The following OSBPL8 variants were observed in gnomAD, a reference collection of about 807,000 sequenced individuals.
The protein encoded by OSBPL8 is oxysterol binding protein like 8.
OSBPL8 carries 59 observed loss-of-function variants against 125.5 expected under a neutral mutation model. The observed-to-expected ratio is 0.47, with a 90% CI of 0.38 to 0.58. The LOEUF (loss-of-function observed/expected upper bound fraction) is 0.58, where lower values mean the gene tolerates loss of function less well. OSBPL8 is among the 20% of genes least tolerant of loss of function. The pLI, the probability that OSBPL8 is intolerant of heterozygous loss-of-function variation, is 0.00. For missense variants in OSBPL8, 758 were observed against 1,047.8 expected (o/e 0.72, Z 3.82); for synonymous variants, 330 against 338.9 (o/e 0.97, Z 0.29).
intron 1 of OSBPL8, among the ~76,000 whole-genome samples, chr12:76,544,672 A>C (rs1407912865): frequency 6.6e-6 from 1 of 152,196 alleles, no homozygotes; most frequent in African/African-American, 2.4e-5. Context: ...GAAATGTAAC[A>C]AATTTTAAGA....
chr12:76,432,739 A>T (rs1444566846), intron 4 of OSBPL8, among the ~76,000 whole-genome samples: 2 of 152,184 alleles, frequency 1.3e-5, no homozygotes, highest in Non-Finnish European at 2.9e-5. Flanking sequence ...TACAAAAAGG[A>T]GTTTTTTGAA....
At chr12:76,386,458 C>T in intron 13 of OSBPL8, 121 bp downstream of exon 13, 2 of 1,285,292 alleles carry the variant, frequency 1.6e-6, no homozygotes, top group Non-Finnish European at 2.1e-6. Flanking sequence ...AGGTATTTTG[C>T]AATTTTGCTA....
At position 76,389,644 on chromosome 12, in the gene OSBPL8, C is replaced by A; in HGVS notation, c.1352+1G>T. On this transcript the variant is annotated splice_donor_variant, in intron 12 of 23. Coordinates refer to ENST00000261183, the MANE Select transcript of OSBPL8 (RefSeq NM_020841.5). LOFTEE classifies it high-confidence loss of function. ...ATTTTAAGAAATAAGAATCTACTTA[C>A]TCAGATAGGAAATCTGCATGATAGT... 2 of 1,544,618 alleles carry A rather than the reference C, an allele frequency of 1.3e-6. No homozygotes were observed. The highest frequency in any genetic ancestry group is 2.3e-5 in the East Asian group (1 of 43,564).
chr12:76,528,359 T>C (rs1010423557), intron 1 of OSBPL8, among the ~76,000 whole-genome samples: 1 of 151,334 alleles, frequency 6.6e-6, no homozygotes, highest in Non-Finnish European at 1.5e-5. Flanking sequence ...AGTATTATTA[T>C]TAATAACAGA....
intron 1 of OSBPL8, among the ~76,000 whole-genome samples, chr12:76,536,494 C>CAG (rs1950501686): frequency 6.6e-6 from 1 of 152,076 alleles, no homozygotes; most frequent in South Asian, 2.1e-4. Context: ...TATCACTGTA[C>CAG]TACTTAACAC....
At chr12:76,455,005 C>T (rs2136773315) in intron 3 of OSBPL8, among the ~76,000 whole-genome samples, 1 of 151,820 alleles carries the variant, frequency 6.6e-6, no homozygotes, top group African/African-American at 2.4e-5. Context: ...GAGGCCGAGG[C>T]TGGTGGATCA....
intron 21 of OSBPL8, among the ~76,000 whole-genome samples, chr12:76,366,390 C>A (rs546440830): frequency 6.6e-6 from 1 of 152,234 alleles, no homozygotes; most frequent in Non-Finnish European, 1.5e-5. Context: ...GTAGTAACAT[C>A]CCCACTTTAA....
At chr12:76,497,128 CA>C (rs1190707428) in intron 1 of OSBPL8, among the ~76,000 whole-genome samples, 1 of 151,758 alleles carries the variant, frequency 6.6e-6, no homozygotes, top group East Asian at 1.9e-4. Flanking sequence ...ATATTTTTAT[CA>C]AAATTTTTTT....
intron 2 of OSBPL8, among the ~76,000 whole-genome samples, chr12:76,460,856 T>C (rs1874634907): frequency 6.6e-6 from 1 of 152,188 alleles, no homozygotes; most frequent in Admixed American, 6.5e-5. Context: ...AATTACATTA[T>C]TTGTTGGTCT....
In OSBPL8 at chr12:76,414,730, G is replaced by T. The variant is rs928280294; in HGVS notation, c.218-4096C>A. On this transcript the variant is annotated intron_variant, in intron 4 of 23. Coordinates refer to ENST00000261183, the MANE Select transcript of OSBPL8 (RefSeq NM_020841.5). ...AACCTCCCAAAGTGCTGGAATTACA[G>T]GTATAAGCCACCATGTCCAGCTGGA... Among the ~76,000 whole-genome samples, 3 of 151,952 alleles carry T rather than the reference G, an allele frequency of 2.0e-5. 1 individual carries two copies. The highest frequency in any genetic ancestry group is 2.0e-4 in the Admixed American group (3 of 15,262).
chr12:76,472,907 T>G lies in OSBPL8; in HGVS notation c.43-13012A>C, dbSNP rs564642060. ...AGGCCCTCCACAAGAGGTGGAGGAGTAGAGTCTTCTCTAAACTCCCCCGGG... is the reference window on the plus strand; with the variant it reads ...AGGCCCTCCACAAGAGGTGGAGGAGGAGAGTCTTCTCTAAACTCCCCCGGG... On this transcript the variant is annotated intron_variant, in intron 2 of 23. Transcript: ENST00000261183. Among the ~76,000 whole-genome samples the G allele has an allele frequency of 1.6e-3, 237 of 151,436 alleles. 1 individual carries two copies. Among genetic ancestry groups the G allele is most frequent in the African/African-American group, 5.6e-3 (232 of 41,248 alleles).
chr12:76,412,278 C>A (rs7310989), intron 4 of OSBPL8, among the ~76,000 whole-genome samples: 1 of 151,994 alleles, frequency 6.6e-6, no homozygotes, highest in African/African-American at 2.4e-5. Flanking sequence ...CAATCTATGG[C>A]GTTAGAGGTT....
chr12:76,411,699 C>A (rs917622163), intron 4 of OSBPL8, among the ~76,000 whole-genome samples: 12 of 151,696 alleles, frequency 7.9e-5, no homozygotes, highest in African/African-American at 2.9e-4. Context: ...AATCTCAATA[C>A]TAAAAATAAA....
At position 76,464,002 on chromosome 12, in the gene OSBPL8, A is replaced by G. The variant is rs1490431446; in HGVS notation, c.43-4107T>C. On this transcript the variant is annotated intron_variant, in intron 2 of 23. Transcript: ENST00000261183. Reference sequence around the variant, plus strand: ...AATTATTGATGTGGAACCACTCTACACAATTAACTTGTACAATATTTAAAA... The same window carrying G: ...AATTATTGATGTGGAACCACTCTACGCAATTAACTTGTACAATATTTAAAA... 2.0e-5 allele frequency among the ~76,000 whole-genome samples: 3 copies of G among 152,212 alleles called. No individual in the cohort carries two copies. The East Asian group carries it at 5.8e-4, about 29-fold the overall frequency.
chr12:76,541,504 T>A (rs1950644861), intron 1 of OSBPL8, among the ~76,000 whole-genome samples: 1 of 151,634 alleles, frequency 6.6e-6, no homozygotes, highest in African/African-American at 2.4e-5. Flanking sequence ...AATAATTAAA[T>A]AATAAAAATT....
rs572890129 is a variant in OSBPL8, at chr12:76,371,507, T to C, written c.1995A>G (p.Gln665=). Residue 665 remains glutamine, a synonymous_variant, in exon 19 of 24, where the codon CAA becomes CAG. Coordinates refer to ENST00000261183, the MANE Select transcript of OSBPL8 (RefSeq NM_020841.5). ...VFWNPTPDIK[Q]WRLIRHTVKF... Reference sequence around the variant, plus strand: ...TTACAGTGTGCCTTATTAATCTCCATTGCTTAATGTCAGGTGTTGGATTCC... The same window carrying C: ...TTACAGTGTGCCTTATTAATCTCCACTGCTTAATGTCAGGTGTTGGATTCC... 70 of 1,611,424 alleles carry C rather than the reference T, an allele frequency of 4.3e-5. No individual in the cohort carries two copies. The South Asian group carries it at 6.9e-4, about 16-fold the overall frequency.
chr12:76,366,222 G>T (rs959144518), intron 21 of OSBPL8, among the ~76,000 whole-genome samples: 4 of 152,096 alleles, frequency 2.6e-5, no homozygotes, highest in Non-Finnish European at 5.9e-5. Context: ...TTTTTCTTTG[G>T]AGGTTTTTGG....
intron 2 of OSBPL8, among the ~76,000 whole-genome samples, chr12:76,467,711 C>A (rs1307706100): frequency 6.6e-6 from 1 of 151,874 alleles, no homozygotes; most frequent in Non-Finnish European, 1.5e-5. Flanking sequence ...CCCACATCAC[C>A]TCATGTGTCA....
chr12:76,396,821 GT>G (rs769819476), intron 8 of OSBPL8, among the ~76,000 whole-genome samples: 24 of 151,616 alleles, frequency 1.6e-4, no homozygotes, highest in African/African-American at 5.8e-4. Flanking sequence ...ATGCTTGTTT[GT>G]TTTTTTTGAG....
Sources: gnomAD v4.1 joint callset for allele counts (sites outside exome capture counted in the v4.1 genomes callset) on GRCh38, gnomAD v4.1.1 for gene constraint, MANE v1.5 for transcripts, NCBI Gene and HGNC (gene_info 2026-07-23, HGNC 2026-07-21) for gene names.